Variants in SCAF8 observed in about 807,000 individuals in gnomAD.
The protein encoded by SCAF8 is SR-related and CTD-associated factor 8.
A neutral mutation model predicts 140.5 loss-of-function variants in SCAF8; 23 were observed. That is an observed-to-expected ratio of 0.16 (90% CI 0.12 to 0.23). SCAF8 has a LOEUF of 0.23. Ranked by LOEUF, SCAF8 falls within the 10% of genes least tolerant of loss-of-function variation. The pLI, the probability that SCAF8 is intolerant of heterozygous loss-of-function variation, is 1.00. For missense variants in SCAF8, 1,397 were observed against 1,555.7 expected (o/e 0.90, Z 1.72); for synonymous variants, 575 against 528.9 (o/e 1.09, Z -1.20).
intron 16 of SCAF8, among the ~76,000 whole-genome samples, chr6:154,822,654 C>T (rs900674015): frequency 6.6e-6 from 1 of 152,004 alleles, no homozygotes; most frequent in Admixed American, 6.5e-5. Flanking sequence ...TCTGAAAACT[C>T]AGAGGATTTT....
In SCAF8 at chr6:154,778,052, A is replaced by G. The variant is rs1338361118; in HGVS notation, c.159+7A>G. 1 of 1,471,830 alleles carries G rather than the reference A, an allele frequency of 6.8e-7. No homozygotes were observed. Among genetic ancestry groups the G allele is most frequent in the Non-Finnish European group, 9.5e-7 (1 of 1,056,272 alleles). The allele number at this position is 1,471,830 out of a possible 1,614,324, so 91.2% of individuals were successfully genotyped here. On this transcript the variant is annotated splice_region_variant and intron_variant, in intron 3 of 19. Transcript: ENST00000367178. ...TGAGAAGTTTATTCAGAAAGTAAGT[A>G]TATAATTTTCCATACATGTGCTGTA...
chr6:154,773,901 T>G (rs1185010388), intron 1 of SCAF8, 88 bp from the exon 2 acceptor site: 2 of 856,050 alleles, frequency 2.3e-6, no homozygotes, highest in African/African-American at 3.4e-5. Flanking sequence ...GTTGGTTTCA[T>G]TGAGAATATA....
At position 154,832,896 on chromosome 6, in the gene SCAF8, TTCTACCGG is replaced by T; in HGVS notation, c.3322_3329del (p.Pro1108TrpfsTer8). The T allele has an allele frequency of 8.7e-6, 14 of 1,614,072 alleles. No individual in the cohort carries two copies. The highest frequency in any genetic ancestry group is 1.2e-5 in the Non-Finnish European group (14 of 1,179,994). Reference sequence around the variant, plus strand: ...GATTTTGATGAGAGAGAGCATCGGGTTCTACCGGTCTATGGTGGTCCAAAAGGCTTACA... The same window carrying T: ...GATTTTGATGAGAGAGAGCATCGGGTTCTATGGTGGTCCAAAAGGCTTACA... On this transcript the variant is annotated frameshift_variant, in exon 20 of 20. Transcript: ENST00000367178. LOFTEE classifies it high-confidence loss of function.
chr6:154,762,567 AGG>A (rs1284533014), intron 1 of SCAF8, among the ~76,000 whole-genome samples: 1 of 152,140 alleles, frequency 6.6e-6, no homozygotes, highest in East Asian at 1.9e-4. Flanking sequence ...GGGATTATAT[AGG>A]GCTTGTACAG....
chr6:154,812,506 G>A (rs1240425976), intron 12 of SCAF8, among the ~76,000 whole-genome samples: 1 of 151,866 alleles, frequency 6.6e-6, no homozygotes, highest in Non-Finnish European at 1.5e-5. Flanking sequence ...GTAGCTCCAA[G>A]GTATGCCTAT....
intron 3 of SCAF8, among the ~76,000 whole-genome samples, chr6:154,783,012 C>T (rs1777129533): frequency 6.6e-6 from 1 of 152,100 alleles, no homozygotes; most frequent in Non-Finnish European, 1.5e-5. Context: ...CATCATAGAT[C>T]CCTATATTTG....
At chr6:154,755,204 A>G (rs1202082396) in intron 1 of SCAF8, among the ~76,000 whole-genome samples, 4 of 152,050 alleles carry the variant, frequency 2.6e-5, no homozygotes, top group African/African-American at 4.8e-5. Flanking sequence ...CTAATTTACT[A>G]TGCTCTTTTT....
intron 19 of SCAF8, 38 bp from the exon 20 acceptor site, chr6:154,831,901 T>G (rs779948163): frequency 3.3e-5 from 50 of 1,533,350 alleles, no homozygotes; most frequent in Non-Finnish European, 4.4e-5. Context: ...AACTTTTGAC[T>G]GTTATTTTGA....
intron 1 of SCAF8, among the ~76,000 whole-genome samples, chr6:154,737,805 A>T (rs370255534): frequency 2.7e-4 from 41 of 151,632 alleles, no homozygotes; most frequent in East Asian, 1.8e-3. Flanking sequence ...CTGGTCATGA[A>T]CTCCTGAGCT....
Position 154,833,127 on chromosome 6 carries a change from T to A in SCAF8, c.3548T>A (p.Ile1183Asn). Reference sequence around the variant, plus strand: ...GGAAATCGTCTTGGACGAGACAGAATTCAAAACACTTGGGTTCCCCCTCCT... The same window carrying A: ...GGAAATCGTCTTGGACGAGACAGAAATCAAAACACTTGGGTTCCCCCTCCT... ...MNGNRLGRDR[I>N]QNTWVPPPHA... is the part of the protein sequence containing the mutation. The change falls in exon 20 of 20, where the codon ATT becomes AAT. Residue 1183 changes from isoleucine to asparagine, a missense_variant. Around this residue, in one of 5 missense-constraint regions of SCAF8, gnomAD observed 930 missense variants for 874.6 expected, o/e 1.06. Coordinates refer to ENST00000367178, the MANE Select transcript of SCAF8 (RefSeq NM_014892.5). 6.2e-7 allele frequency: 1 copy of A among 1,614,126 alleles called. No individual in the cohort carries two copies. Among genetic ancestry groups the A allele is most frequent in the East Asian group, 2.2e-5 (1 of 44,870 alleles).
intron 1 of SCAF8, among the ~76,000 whole-genome samples, chr6:154,770,362 G>A (rs1466352308): frequency 6.7e-6 from 1 of 149,212 alleles, no homozygotes; most frequent in Non-Finnish European, 1.5e-5. Context: ...TACTTGAGAG[G>A]TTGAGGTACA....
At chr6:154,816,909 T>G (rs1264707769) in intron 13 of SCAF8, among the ~76,000 whole-genome samples, 1 of 152,226 alleles carries the variant, frequency 6.6e-6, no homozygotes, top group Non-Finnish European at 1.5e-5. Context: ...ATGAGGAAAC[T>G]AAGTGATTTG....
At chr6:154,801,112 A>G (rs1309474626) in intron 6 of SCAF8, among the ~76,000 whole-genome samples, 5 of 151,416 alleles carry the variant, frequency 3.3e-5, no homozygotes, top group African/African-American at 1.2e-4. Context: ...TGTAAAGGGG[A>G]AATACGGTGT....
chr6:154,748,010 C>CAG (rs1258166531), intron 1 of SCAF8, among the ~76,000 whole-genome samples: 1 of 151,216 alleles, frequency 6.6e-6, no homozygotes, highest in Non-Finnish European at 1.5e-5. Flanking sequence ...ATTTTAATTG[C>CAG]AGAGAGGATT....
chr6:154,736,941 TA>T (rs1778437840), intron 1 of SCAF8, among the ~76,000 whole-genome samples: 1 of 152,182 alleles, frequency 6.6e-6, no homozygotes, highest in African/African-American at 2.4e-5. Flanking sequence ...GGAAGGGAAA[TA>T]TATTTGAAGA....
intron 3 of SCAF8, among the ~76,000 whole-genome samples, chr6:154,778,781 G>A (rs1351069280): frequency 2.7e-5 from 4 of 150,326 alleles, no homozygotes; most frequent in African/African-American, 7.3e-5. Context: ...GTGTGTGTGT[G>A]TGTGTGTGTG....
intron 4 of SCAF8, among the ~76,000 whole-genome samples, chr6:154,791,946 A>T (rs899175208): frequency 6.6e-6 from 1 of 152,062 alleles, no homozygotes; most frequent in Non-Finnish European, 1.5e-5. Context: ...AGAAGAGTAA[A>T]TGAGATGGTT....
At chr6:154,794,029 C>T (rs1020909936) in intron 5 of SCAF8, among the ~76,000 whole-genome samples, 2 of 151,852 alleles carry the variant, frequency 1.3e-5, no homozygotes, top group African/African-American at 2.4e-5. Context: ...TCTAGTGATC[C>T]TCCCATCTCA....
Position 154,736,523 on chromosome 6 carries a change from C to T in SCAF8, c.30+2593C>T, listed in dbSNP as rs775537177. On this transcript the variant is annotated intron_variant, in intron 1 of 19. Coordinates refer to ENST00000367178, the MANE Select transcript of SCAF8 (RefSeq NM_014892.5). ...CTGACCTCAGGTGATCCACCCGGCT[C>T]GGCCTCCCAAAGTGCTGGGATTACA... Among the ~76,000 whole-genome samples the T allele has an allele frequency of 1.8e-3, 275 of 151,754 alleles. 2 individuals are homozygous for T. The highest frequency in any genetic ancestry group is 3.5e-3 in the Non-Finnish European group (241 of 67,936).
Sources: gnomAD v4.1 joint callset for allele counts (sites outside exome capture counted in the v4.1 genomes callset) on GRCh38, gnomAD v4.1.1 for gene constraint, gnomAD v4.1.1 regional missense constraint, MANE v1.5 for transcripts, NCBI Gene and HGNC (gene_info 2026-07-23, HGNC 2026-07-21) for gene names.